Variants in GOLGA4 observed in about 807,000 individuals in gnomAD.
The protein encoded by GOLGA4 is golgin A4, also known as golgin subfamily A member 4.
GOLGA4 carries 169 observed loss-of-function variants against 265.9 expected under a neutral mutation model. That is an observed-to-expected ratio of 0.64 (90% CI 0.56 to 0.72). The LOEUF (loss-of-function observed/expected upper bound fraction) is 0.72. GOLGA4 is among the 30% of genes least tolerant of loss of function. The pLI, the probability that GOLGA4 is intolerant of heterozygous loss-of-function variation, is 0.00. For synonymous variants in GOLGA4, 923 were observed against 855.8 expected, an observed-to-expected ratio of 1.08 and a Z score of -1.37; for missense variants, 2,482 against 2,483.4, an observed-to-expected ratio of 1.00 and a Z score of 0.01.
rs567838649 is a variant in GOLGA4, at chr3:37,323,116, CTTTTT to C, written c.1702-453_1702-449del. ...CATGTAATCTTTTCTTTCCTTTTGT[CTTTTT>C]TTTTTTTTTTTTTTTTTTCCAAGAC... On this transcript the variant is annotated intron_variant, in intron 13 of 23. Coordinates refer to ENST00000361924, the MANE Select transcript of GOLGA4 (RefSeq NM_002078.5). Among the ~76,000 whole-genome samples the C allele has an allele frequency of 5.6e-3, 644 of 114,148 alleles. 9 individuals are homozygous for C. Among genetic ancestry groups the C allele is most frequent in the African/African-American group, 0.019 (597 of 31,218 alleles). 74.9% of individuals were successfully genotyped at this position (114,148 alleles called of 152,430 possible). A position where few individuals can be genotyped will look rare whatever the true frequency, so the allele number is the denominator to read the frequency against.
chr3:37,298,828 G>A lies in GOLGA4; in HGVS notation c.815-5G>A, dbSNP rs376296746. 4 of 1,591,776 alleles carry A rather than the reference G, an allele frequency of 2.5e-6. No individual in the cohort carries two copies. In the African/African-American group the frequency reaches 5.4e-5, roughly 22 times the overall value. On this transcript the variant is annotated splice_region_variant and splice_polypyrimidine_tract_variant and intron_variant, in intron 7 of 23. Transcript: ENST00000361924. Reference sequence around the variant, plus strand: ...TGGGCCCTTCTTATGTTGCTTTATTGTTAGTGGAAGATGGAACTTCTGTAA... The same window carrying A: ...TGGGCCCTTCTTATGTTGCTTTATTATTAGTGGAAGATGGAACTTCTGTAA...
In GOLGA4 at chr3:37,326,152, C is replaced by T; in HGVS notation, c.4266C>T (p.Asp1422=). The change falls in exon 14 of 24, where the codon GAC becomes GAT. Residue 1422 remains aspartate, a synonymous_variant. Transcript: ENST00000361924. ...DQVQDLSFKV[D]TLSKEKISAL... ...TGCAAGATTTATCTTTTAAAGTTGA[C>T]ACTCTGAGTAAAGAGAAAATTTCTG... The T allele has an allele frequency of 6.2e-7, 1 of 1,613,382 alleles. No homozygotes were observed. The highest frequency in any genetic ancestry group is 8.5e-7 in the Non-Finnish European group (1 of 1,179,508).
chr3:37,298,630 C>A (rs1360493718), intron 7 of GOLGA4, among the ~76,000 whole-genome samples: 2 of 152,110 alleles, frequency 1.3e-5, no homozygotes, highest in Admixed American at 1.3e-4. Flanking sequence ...CTTTTATTGT[C>A]TTTGTTTTAG....
Position 37,325,799 on chromosome 3 carries a change from C to A in GOLGA4, c.3913C>A (p.Gln1305Lys). The change falls in exon 14 of 24, where the codon CAA (glutamine) becomes AAA (lysine). Residue 1305 changes from glutamine (Q) to lysine (K), a missense_variant. Gln to Lys is a moderately conservative substitution (Grantham distance 53). Transcript: ENST00000361924. ...ATHQLEEKENQIKSMKADIES... is the reference protein window; with the variant it reads ...ATHQLEEKENKIKSMKADIES... ...TCATCAGTTAGAAGAAAAAGAAAATCAAATTAAGAGCATGAAGGCTGATAT... is the reference window on the plus strand; with the variant it reads ...TCATCAGTTAGAAGAAAAAGAAAATAAAATTAAGAGCATGAAGGCTGATAT... 1 of 1,612,784 alleles carries A rather than the reference C, an allele frequency of 6.2e-7. No individual in the cohort carries two copies. Among genetic ancestry groups the A allele is most frequent in the South Asian group, 1.1e-5 (1 of 90,980 alleles).
chr3:37,352,023 A>G (rs1029803138), intron 21 of GOLGA4, among the ~76,000 whole-genome samples: 2 of 151,860 alleles, frequency 1.3e-5, no homozygotes. Context: ...ATTTTCTTCA[A>G]ATAGAAGGCT....
Position 37,327,653 on chromosome 3 carries a change from G to A in GOLGA4, c.5767G>A (p.Ala1923Thr), listed in dbSNP as rs377380703. 2.5e-6 allele frequency: 4 copies of A among 1,613,924 alleles called. No individual in the cohort carries two copies. Among genetic ancestry groups the A allele is most frequent in the Non-Finnish European group, 3.4e-6 (4 of 1,179,834 alleles). The change falls in exon 14 of 24, where the codon GCC becomes ACC. Residue 1923 changes from alanine to threonine, a missense_variant. By Grantham distance (58) the Ala-to-Thr change is moderately conservative (BLOSUM62 0). Transcript: ENST00000361924. ...ACCCAAATTGCTTAGTAACATGGAA[G>A]CCCAGCACAATGATCTGGAGTTTAA... ...VQPKLLSNME[A>T]QHNDLEFKLA...
At chr3:37,259,058 A>G (rs1183993305) in intron 2 of GOLGA4, among the ~76,000 whole-genome samples, 1 of 152,122 alleles carries the variant, frequency 6.6e-6, no homozygotes, top group African/African-American at 2.4e-5. Context: ...ATTGCTATTA[A>G]TTCTTTAAAT....
At chr3:37,364,877 G>A (rs1210194996) in intron 23 of GOLGA4, among the ~76,000 whole-genome samples, 2 of 151,892 alleles carry the variant, frequency 1.3e-5, no homozygotes, top group Non-Finnish European at 2.9e-5. Flanking sequence ...ATAGGCATAA[G>A]CCACCATGCC....
intron 23 of GOLGA4, among the ~76,000 whole-genome samples, chr3:37,362,855 T>C (rs1696435656): frequency 6.9e-6 from 1 of 145,634 alleles, no homozygotes; most frequent in African/African-American, 2.5e-5. Context: ...TGTTTTTGGC[T>C]CACTGCAAGC....
chr3:37,298,007 C>T (rs189957430), intron 7 of GOLGA4, among the ~76,000 whole-genome samples: 15 of 151,382 alleles, frequency 9.9e-5, no homozygotes, highest in Admixed American at 3.9e-4. Flanking sequence ...CCAGTCTGGG[C>T]GGCAAAGCGA....
intron 1 of GOLGA4, chr3:37,250,159 T>A (rs2150589577): frequency 6.6e-6 from 1 of 152,366 alleles, no homozygotes; most frequent in Middle Eastern, 3.4e-3. Flanking sequence ...ATGCTTTTCC[T>A]CACCTCCCAA....
At chr3:37,297,400 T>TA (rs530065942) in intron 7 of GOLGA4, among the ~76,000 whole-genome samples, 51 of 140,912 alleles carry the variant, frequency 3.6e-4, no homozygotes, top group Admixed American at 3.2e-3. Context: ...AAGTTGCACT[T>TA]ACCAGAACTC....
rs759941127 is a variant in GOLGA4, at chr3:37,286,077, A to G, written c.525+16A>G. 8.8e-6 allele frequency: 12 copies of G among 1,362,364 alleles called. 1 individual carries two copies. Among genetic ancestry groups the G allele is most frequent in the South Asian group, 8.6e-5 (7 of 81,242 alleles). 84.4% of individuals were successfully genotyped at this position (1,362,364 alleles called of 1,614,324 possible). A position where few individuals can be genotyped will look rare whatever the true frequency, so the allele number is the denominator to read the frequency against. On this transcript the variant is annotated intron_variant, in intron 4 of 23. Coordinates refer to ENST00000361924, the MANE Select transcript of GOLGA4 (RefSeq NM_002078.5). ...AAAGCTACAAGTAAGTGATTTGTCA[A>G]CTGCATTACTGAGTCATAATTTTTA...
intron 17 of GOLGA4, among the ~76,000 whole-genome samples, chr3:37,336,796 AAGAG>A (rs1578770493): frequency 6.6e-6 from 1 of 151,660 alleles, no homozygotes; most frequent in Admixed American, 6.6e-5. Flanking sequence ...GAGAAAGAGA[AAGAG>A]AAAGAAAGAG....
Position 37,362,922 on chromosome 3 carries a change from A to G in GOLGA4, c.*33+1617A>G, listed in dbSNP as rs545903926. Among the ~76,000 whole-genome samples the G allele has an allele frequency of 2.6e-5, 4 of 151,330 alleles. No homozygotes were observed. The East Asian group carries it at 7.8e-4, about 30-fold the overall frequency. On this transcript the variant is annotated intron_variant, in intron 23 of 23. Coordinates refer to ENST00000361924, the MANE Select transcript of GOLGA4 (RefSeq NM_002078.5). ...CTCAGCCTCCTGAGTAGCTGGGACT[A>G]CAGGTACCCGCCACCATGCCCAGCT...
intron 10 of GOLGA4, among the ~76,000 whole-genome samples, chr3:37,307,774 A>G (rs1038182764): frequency 1.3e-5 from 2 of 152,246 alleles, no homozygotes; most frequent in African/African-American, 4.8e-5. Flanking sequence ...TATGTCTCCA[A>G]CAATGTCACT....
chr3:37,265,110 G>T (rs2096779990), intron 2 of GOLGA4, among the ~76,000 whole-genome samples: 1 of 136,414 alleles, frequency 7.3e-6, no homozygotes, highest in Non-Finnish European at 1.6e-5. Context: ...AGTTTTACAT[G>T]CTCATATTGT....
intron 2 of GOLGA4, among the ~76,000 whole-genome samples, chr3:37,261,048 T>TA (rs1264766243): frequency 6.6e-6 from 1 of 150,530 alleles, no homozygotes; most frequent in Admixed American, 6.6e-5. Context: ...TGTGCACCTG[T>TA]GGTCCCAAGC....
At chr3:37,313,653 G>A (rs1168753632) in intron 10 of GOLGA4, 1 of 152,006 alleles carries the variant, frequency 6.6e-6, no homozygotes, top group Admixed American at 6.6e-5. Context: ...TTTTCCTAGG[G>A]TATCATTATG....
Sources: allele counts gnomAD v4.1 joint callset (sites outside exome capture counted in the v4.1 genomes callset), GRCh38; gene constraint gnomAD v4.1.1; transcripts MANE v1.5; gene names NCBI Gene and HGNC (gene_info 2026-07-23, HGNC 2026-07-21).